CDK15: variants seen among roughly 807,000 people sequenced by gnomAD.
CDK15 encodes cyclin-dependent kinase 15.
CDK15 carries 62 observed loss-of-function variants against 60.3 expected under a neutral mutation model. That is an observed-to-expected ratio of 1.03 (90% CI 0.84 to 1.27). CDK15 has a LOEUF of 1.27. Among genes scored for constraint, CDK15 ranks in the 50% most tolerant of loss-of-function variants. The pLI is 0.00. For missense variants in CDK15, 541 were observed against 527.8 expected (o/e 1.03, Z -0.25); for synonymous variants, 194 against 195.7 (o/e 0.99, Z 0.07).
intron 12 of CDK15, among the ~76,000 whole-genome samples, chr2:201,884,235 A>G (rs980059521): frequency 3.3e-5 from 5 of 152,142 alleles, no homozygotes; most frequent in African/African-American, 4.8e-5. Flanking sequence ...TTGCTAGCCA[A>G]GTCTCATACT....
At chr2:201,872,220 T>A in intron 10 of CDK15, 58 bp from the exon 11 acceptor site, 1 of 1,542,260 alleles carries the variant, frequency 6.5e-7, no homozygotes, top group South Asian at 1.1e-5. Flanking sequence ...AACAGTATAT[T>A]TGGCAACAGG....
At chr2:201,812,662 C>CCTG in intron 4 of CDK15, 100 bp downstream of exon 4, 1 of 590,050 alleles carries the variant, frequency 1.7e-6, no homozygotes, top group East Asian at 3.1e-5. Flanking sequence ...TTTGATTCTT[C>CCTG]TGGAATACTA....
At chr2:201,855,036 C>T in intron 10 of CDK15, 99 bp downstream of exon 10, 2 of 1,019,784 alleles carry the variant, frequency 2.0e-6, no homozygotes, top group South Asian at 2.6e-5. Context: ...AACTCAGCGG[C>T]AAAGATGGGT....
chr2:201,833,451 T>A (rs997329442), intron 6 of CDK15, among the ~76,000 whole-genome samples: 2 of 152,132 alleles, frequency 1.3e-5, no homozygotes, highest in East Asian at 3.8e-4. Context: ...TAGAATATCA[T>A]TTCCAGGTCA....
intron 1 of CDK15, 92 bp downstream of exon 1, chr2:201,806,879 G>A (rs1039792251): frequency 6.2e-5 from 91 of 1,457,422 alleles, no homozygotes; most frequent in Non-Finnish European, 7.6e-5. Flanking sequence ...ATTCTTCTGC[G>A]GTAGGTCTAA....
intron 12 of CDK15, chr2:201,888,734 C>T: frequency 1.1e-5 from 13 of 1,198,616 alleles, no homozygotes; most frequent in Non-Finnish European, 1.3e-5. Context: ...CTCTCCCTCC[C>T]TCCCTGCTTT....
chr2:201,884,932 A>G (rs1056495090), intron 12 of CDK15, among the ~76,000 whole-genome samples: 17 of 152,200 alleles, frequency 1.1e-4, no homozygotes, highest in African/African-American at 4.1e-4. Context: ...CAGATCAAGT[A>G]TACAAATAAA....
At chr2:201,812,183 A>AC (rs1559113098) in intron 3 of CDK15, among the ~76,000 whole-genome samples, 1 of 150,294 alleles carries the variant, frequency 6.7e-6, no homozygotes, top group Non-Finnish European at 1.5e-5. Flanking sequence ...CAAAAAAAAA[A>AC]AAAAAAAACA....
intron 12 of CDK15, among the ~76,000 whole-genome samples, chr2:201,886,757 A>T (rs1255074940): frequency 6.6e-6 from 1 of 152,248 alleles, no homozygotes; most frequent in Non-Finnish European, 1.5e-5. Context: ...AGAGGAAACA[A>T]AAAGAGCACA....
chr2:201,843,616 C>A (rs1197278695), intron 8 of CDK15, among the ~76,000 whole-genome samples: 2 of 152,064 alleles, frequency 1.3e-5, no homozygotes, highest in Admixed American at 1.3e-4. Context: ...AAGACTTGCA[C>A]AAGTGCACAC....
intron 11 of CDK15, among the ~76,000 whole-genome samples, chr2:201,879,245 A>G (rs1447087742): frequency 6.6e-6 from 1 of 152,212 alleles, no homozygotes; most frequent in Non-Finnish European, 1.5e-5. Flanking sequence ...AGACTGGGTG[A>G]GCTTCAGAAA....
chr2:201,839,272 T>C (rs888557144), intron 8 of CDK15, among the ~76,000 whole-genome samples: 6 of 152,242 alleles, frequency 3.9e-5, no homozygotes, highest in African/African-American at 1.4e-4. Context: ...TTCATGAGGA[T>C]ACATCAGATA....
rs1215121253 is a variant in CDK15 at position 201,807,905 on chromosome 2, G to T, written c.321G>T (p.Glu107Asp). 1 of 1,614,058 alleles carries T rather than the reference G, an allele frequency of 6.2e-7. No individual in the cohort carries two copies. Among genetic ancestry groups the T allele is most frequent in the Non-Finnish European group, 8.5e-7 (1 of 1,180,044 alleles). ...CAGCCTCATCTTACTTGAACTTGGAGAAGCTGGGTGAAGGCTCTTATGCGA... is the reference window on the plus strand; with the variant it reads ...CAGCCTCATCTTACTTGAACTTGGATAAGCTGGGTGAAGGCTCTTATGCGA... ...FGAASSYLNL[E>D]KLGEGSYATV... Residue 107 changes from glutamate (E) to aspartate (D), a missense_variant, in exon 3 of 14, where the codon GAG becomes GAT. By Grantham distance (45) the Glu-to-Asp change is conservative (BLOSUM62 2). Transcript: ENST00000652192.
At chr2:201,818,237 G>A (rs1026736992) in intron 4 of CDK15, among the ~76,000 whole-genome samples, 2 of 152,150 alleles carry the variant, frequency 1.3e-5, no homozygotes, top group Non-Finnish European at 2.9e-5. Flanking sequence ...AGACGACTTT[G>A]ACTACCAGGC....
chr2:201,823,105 C>T (rs1688834370), intron 5 of CDK15, among the ~76,000 whole-genome samples: 1 of 152,144 alleles, frequency 6.6e-6, no homozygotes, highest in Non-Finnish European at 1.5e-5. Flanking sequence ...CTTTTGCTGT[C>T]CCTTTTCCCC....
At chr2:201,833,495 GA>G (rs1281587303) in intron 6 of CDK15, among the ~76,000 whole-genome samples, 2 of 151,898 alleles carry the variant, frequency 1.3e-5, no homozygotes, top group East Asian at 3.9e-4. Flanking sequence ...CATCGGTGGG[GA>G]AAAAAATTAA....
At chr2:201,876,074 A>G (rs779887922) in intron 11 of CDK15, among the ~76,000 whole-genome samples, 1 of 152,190 alleles carries the variant, frequency 6.6e-6, no homozygotes, top group Non-Finnish European at 1.5e-5. Context: ...GTATGAATTC[A>G]CATTTACCTT....
At chr2:201,847,318 T>C (rs1056468669) in intron 8 of CDK15, 63 bp from the exon 9 acceptor site, 3 of 1,401,678 alleles carry the variant, frequency 2.1e-6, no homozygotes, top group Non-Finnish European at 3.0e-6. Context: ...GAAATTCTAG[T>C]AGTTCAGTTT....
intron 8 of CDK15, among the ~76,000 whole-genome samples, chr2:201,838,366 C>T (rs1697220864): frequency 6.6e-6 from 1 of 152,086 alleles, no homozygotes; most frequent in South Asian, 2.1e-4. Context: ...CAACCCAAAA[C>T]ATCTGTAGTA....
Sources: allele counts gnomAD v4.1 joint callset (sites outside exome capture counted in the v4.1 genomes callset), GRCh38; gene constraint gnomAD v4.1.1; transcripts MANE v1.5; gene names NCBI Gene and HGNC (gene_info 2026-07-23, HGNC 2026-07-21).